ENKUR: variants seen among roughly 807,000 people sequenced by gnomAD.
The protein encoded by ENKUR is enkurin, TRPC channel interacting protein, also known as enkurin.
Under a neutral mutation model 27.6 loss-of-function variants are expected in ENKUR, and 19 were observed. That is an observed-to-expected ratio of 0.69 (90% CI 0.48 to 1.01). The LOEUF (loss-of-function observed/expected upper bound fraction) is 1.01, where lower values mean the gene tolerates loss of function less well. Among genes scored for constraint, ENKUR ranks in the 50% least tolerant of loss-of-function variants. The probability of loss-of-function intolerance (pLI) is 0.00; values close to 1 mark genes in which losing one functional copy is unlikely to be tolerated. For missense variants in ENKUR, 312 were observed against 310.5 expected (o/e 1.00, Z -0.04); for synonymous variants, 117 against 96.9 (o/e 1.21, Z -1.22).
rs767079250 is a variant in ENKUR at position 24,984,778 on chromosome 10, A to G, written c.722T>C (p.Ile241Thr). ...EEEMKQLEHD[I>T]GIIEKHKIIY... ...AATCTTGTGCTTTTCAATTATGCCA[A>G]TGTCGTGTTCTAGTTGTTTCATTTC... is the stretch of plus-strand genomic sequence containing the variant. The change falls in exon 5 of 6, where the codon ATT becomes ACT. Residue 241 changes from isoleucine (I) to threonine (T), a missense_variant. Physicochemically the swap from Ile to Thr is moderately conservative, Grantham distance 89 (BLOSUM62 -1). Transcript: ENST00000331161. 3.1e-6 allele frequency: 5 copies of G among 1,613,416 alleles called. No individual in the cohort carries two copies. The highest frequency in any genetic ancestry group is 4.5e-5 in the East Asian group (2 of 44,840).
At chr10:25,032,708 T>C (rs1174778347) in intron 2 of ENKUR, among the ~76,000 whole-genome samples, 2 of 152,162 alleles carry the variant, frequency 1.3e-5, no homozygotes, top group Admixed American at 1.3e-4. Flanking sequence ...CTTTCCCTAG[T>C]CTATTAAAGT....
chr10:25,012,270 G>T (rs2132722624), intron 1 of ENKUR, among the ~76,000 whole-genome samples: 1 of 152,372 alleles, frequency 6.6e-6, no homozygotes, highest in African/African-American at 2.4e-5. Flanking sequence ...GGGCAGTGTG[G>T]AAGGGAAATA....
intron 1 of ENKUR, among the ~76,000 whole-genome samples, chr10:25,003,424 C>G (rs563206768): frequency 6.6e-6 from 1 of 152,308 alleles, no homozygotes; most frequent in East Asian, 1.9e-4. Context: ...CCAGGCTGGT[C>G]TGGAAATCCT....
intron 1 of ENKUR, among the ~76,000 whole-genome samples, chr10:25,011,280 T>G (rs1250169453): frequency 6.6e-6 from 1 of 152,164 alleles, no homozygotes; most frequent in African/African-American, 2.4e-5. Flanking sequence ...TTGCCCACTT[T>G]TTGATGGGGT....
At chr10:25,031,165 C>A (rs1008802948) in intron 2 of ENKUR, among the ~76,000 whole-genome samples, 2 of 152,104 alleles carry the variant, frequency 1.3e-5, no homozygotes, top group African/African-American at 2.4e-5. Context: ...GTGATACCTC[C>A]CAAACCTTAT....
In ENKUR at chr10:24,984,233, G is replaced by C. The variant is rs545708817; in HGVS notation, c.*137C>G. On this transcript the variant is annotated 3_prime_UTR_variant, in exon 6 of 6. Coordinates refer to ENST00000331161, the MANE Select transcript of ENKUR (RefSeq NM_145010.4). ...ACTGGGAATAACTGCAAATGTCATG[G>C]GCCACAGGAAAATACATCTTTTGCA... is the stretch of plus-strand genomic sequence containing the variant. 2.1e-5 allele frequency: 20 copies of C among 940,722 alleles called. No individual in the cohort carries two copies. Among genetic ancestry groups the C allele is most frequent in the Non-Finnish European group, 3.1e-5 (20 of 635,932 alleles). 58.3% of individuals were successfully genotyped at this position (940,722 alleles called of 1,614,324 possible). A position where few individuals can be genotyped will look rare whatever the true frequency, so the allele number is the denominator to read the frequency against.
At position 24,982,630 on chromosome 10, in the gene ENKUR, C is replaced by T. The variant is rs1159278840; in HGVS notation, c.*1740G>A. On this transcript the variant is annotated 3_prime_UTR_variant, in exon 6 of 6. Transcript: ENST00000331161. ...CAGCTGTCCAAGTCAGATGTTTGTC[C>T]CTCTTTTGGGTGATAGGATGACCTA... 6.6e-6 allele frequency: 1 copy of T among 152,072 alleles called. No individual in the cohort carries two copies. Among genetic ancestry groups the T allele is most frequent in the Non-Finnish European group, 1.5e-5 (1 of 68,050 alleles). The allele number at this position is 152,072 out of a possible 1,614,324, so 9.4% of individuals were successfully genotyped here.
At chr10:24,996,436 A>ATGTGTGTG (rs150948274) in intron 2 of ENKUR, among the ~76,000 whole-genome samples, 1 of 148,516 alleles carries the variant, frequency 6.7e-6, no homozygotes, top group Non-Finnish European at 1.5e-5. Context: ...AAGATCATAT[A>ATGTGTGTG]TGTGTGTGTG....
chr10:25,033,794 T>G (rs1850963841), intron 2 of ENKUR, among the ~76,000 whole-genome samples: 1 of 151,486 alleles, frequency 6.6e-6, no homozygotes, highest in South Asian at 2.1e-4. Context: ...TGAACTGTGT[T>G]TAGTATGTAT....
chr10:24,985,940 G>A (rs116479756), intron 4 of ENKUR, among the ~76,000 whole-genome samples: 2,634 of 152,102 alleles, frequency 0.017, 82 homozygotes, highest in African/African-American at 0.061. Context: ...TGGTAGCATG[G>A]GCCTGTAGTC....
chr10:25,021,560 C>T (rs759838631), intron 2 of ENKUR, among the ~76,000 whole-genome samples: 1 of 152,124 alleles, frequency 6.6e-6, no homozygotes, highest in African/African-American at 2.4e-5. Flanking sequence ...TAATGAGACA[C>T]ACATGTTTAA....
At chr10:25,023,693 C>T (rs764540301) in intron 2 of ENKUR, 1 of 1,613,910 alleles carries the variant, frequency 6.2e-7, no homozygotes, top group East Asian at 2.2e-5. Flanking sequence ...CTGGATGTAC[C>T]TCTACTAGAT....
intron 4 of ENKUR, among the ~76,000 whole-genome samples, chr10:24,988,242 A>T (rs866954546): frequency 4.7e-4 from 68 of 145,052 alleles, no homozygotes; most frequent in Admixed American, 3.9e-3. Flanking sequence ...ATGTATATAT[A>T]TATATATATG....
chr10:25,009,522 G>C (rs1243994997), intron 1 of ENKUR, among the ~76,000 whole-genome samples: 1 of 152,196 alleles, frequency 6.6e-6, no homozygotes, highest in African/African-American at 2.4e-5. Context: ...AGAGAAATAT[G>C]AGTTAATAGG....
At chr10:25,017,517 C>T (rs1358727502), upstream of ENKUR, among the ~76,000 whole-genome samples, 2 of 151,852 alleles carry the variant, frequency 1.3e-5, no homozygotes, top group African/African-American at 2.4e-5. Context: ...ACACAATGGC[C>T]TGGTGAACCT....
At chr10:24,998,197 G>A (rs1400579586) in intron 2 of ENKUR, among the ~76,000 whole-genome samples, 1 of 152,118 alleles carries the variant, frequency 6.6e-6, no homozygotes, top group Non-Finnish European at 1.5e-5. Flanking sequence ...CGCTAGCCGG[G>A]CTTGAGATGT....
At chr10:25,028,390 C>A (rs927017627) in intron 2 of ENKUR, among the ~76,000 whole-genome samples, 1 of 152,154 alleles carries the variant, frequency 6.6e-6, no homozygotes, top group African/African-American at 2.4e-5. Flanking sequence ...TTTCCCCGCC[C>A]CTTTGATTGA....
upstream of ENKUR, among the ~76,000 whole-genome samples, chr10:25,018,419 G>C (rs1850653068): frequency 6.6e-6 from 1 of 152,192 alleles, no homozygotes; most frequent in Non-Finnish European, 1.5e-5. Flanking sequence ...AATATTTCAG[G>C]CCTTTTTAGG....
rs555850307 is a variant in ENKUR at position 25,059,192 on chromosome 10, G to T, written c.37+1920C>A. 1.3e-4 allele frequency among the ~76,000 whole-genome samples: 19 copies of T among 149,120 alleles called. No individual in the cohort carries two copies. The South Asian group carries it at 4.0e-3, about 32-fold the overall frequency. On this transcript the variant is annotated intron_variant, in intron 2 of 5. Transcript: ENST00000615958. ...TAGTCATCCAGGCTGGAGTGCAATGGCGCAATCTCTGGTCACTGCAACCTC... is the reference window on the plus strand; with the variant it reads ...TAGTCATCCAGGCTGGAGTGCAATGTCGCAATCTCTGGTCACTGCAACCTC...
Sources: gnomAD v4.1 joint callset for allele counts (sites outside exome capture counted in the v4.1 genomes callset) on GRCh38, gnomAD v4.1.1 for gene constraint, MANE v1.5 for transcripts, NCBI Gene and HGNC (gene_info 2026-07-23, HGNC 2026-07-21) for gene names.